The following LSAMP variants were observed in gnomAD, a reference collection of about 807,000 sequenced individuals.
The protein encoded by LSAMP is limbic system associated membrane protein.
LSAMP carries 7 observed loss-of-function variants against 38.6 expected under a neutral mutation model. The observed-to-expected ratio is 0.18, with a 90% CI of 0.10 to 0.34. The LOEUF is 0.34. Among genes scored for constraint, LSAMP ranks in the 10% least tolerant of loss-of-function variants. The pLI, the probability that LSAMP is intolerant of heterozygous loss-of-function variation, is 1.00. For synonymous variants in LSAMP, 154 were observed against 166.8 expected, an observed-to-expected ratio of 0.92 and a Z score of 0.59; for missense variants, 313 against 420.0, an observed-to-expected ratio of 0.75 and a Z score of 2.23.
At chr3:116,076,959 A>C (rs988074575) in intron 2 of LSAMP, among the ~76,000 whole-genome samples, 1 of 152,000 alleles carries the variant, frequency 6.6e-6, no homozygotes, top group Non-Finnish European at 1.5e-5. Flanking sequence ...CTATATATAG[A>C]AACTATTGAT....
intron 3 of LSAMP, among the ~76,000 whole-genome samples, chr3:115,916,158 C>T (rs1431209482): frequency 1.3e-5 from 2 of 152,074 alleles, no homozygotes; most frequent in African/African-American, 4.8e-5. Context: ...AAGAAGGCCA[C>T]AGAGAGTGCT....
At chr3:116,333,855 T>A (rs2047885650) in intron 1 of LSAMP, among the ~76,000 whole-genome samples, 1 of 150,204 alleles carries the variant, frequency 6.7e-6, no homozygotes, top group East Asian at 2.0e-4. Context: ...AAAAGACAAA[T>A]TAAATCCAAA....
At chr3:116,130,987 CTTTT>C (rs148232332) in intron 1 of LSAMP, among the ~76,000 whole-genome samples, 1 of 112,644 alleles carries the variant, frequency 8.9e-6, no homozygotes, top group Non-Finnish European at 1.7e-5. Context: ...AGGTTCCACA[CTTTT>C]TTTTTTTTTT....
At chr3:116,190,088 G>GACACACACACACACACACACACACAC (rs3071108) in intron 1 of LSAMP, among the ~76,000 whole-genome samples, 5 of 142,706 alleles carry the variant, frequency 3.5e-5, no homozygotes, top group Admixed American at 1.4e-4. Context: ...TCCAGTAGTA[G>GACACACACACACACACACACACACAC]ACACACACAC....
chr3:115,896,769 C>T (rs1936738468), intron 3 of LSAMP, among the ~76,000 whole-genome samples: 1 of 152,064 alleles, frequency 6.6e-6, no homozygotes, highest in South Asian at 2.1e-4. Flanking sequence ...ACTATTTTTA[C>T]ATGTGGTCCG....
rs1041314345 is a variant in LSAMP at position 115,809,696 on chromosome 3, G to A, written c.*621C>T. The A allele has an allele frequency of 2.0e-5, 3 of 152,198 alleles. No homozygotes were observed. Among genetic ancestry groups the A allele is most frequent in the Admixed American group, 6.6e-5 (1 of 15,256 alleles). The allele number at this position is 152,198 out of a possible 1,614,324, so 9.4% of individuals were successfully genotyped here. A position where few individuals can be genotyped will look rare whatever the true frequency, so the allele number is the denominator to read the frequency against. ...GAGAGGTGAGGGAGGAAAGGTGGGT[G>A]AAAAGGGAGTATCTAGGGTGGGTGT... On this transcript the variant is annotated 3_prime_UTR_variant, in exon 7 of 7. Transcript: ENST00000490035.
At chr3:115,960,206 T>C (rs773588389) in intron 3 of LSAMP, among the ~76,000 whole-genome samples, 44 of 152,112 alleles carry the variant, frequency 2.9e-4, no homozygotes, top group Non-Finnish European at 6.0e-4. Flanking sequence ...CCTAATCCAA[T>C]ATAACTAGTT....
chr3:116,331,557 A>G (rs1052677810), intron 1 of LSAMP, among the ~76,000 whole-genome samples: 1 of 152,156 alleles, frequency 6.6e-6, no homozygotes, highest in Non-Finnish European at 1.5e-5. Context: ...TCACATCAGA[A>G]ACTTGGATAC....
At chr3:116,374,938 A>C (rs78849380) in intron 1 of LSAMP, among the ~76,000 whole-genome samples, 4,539 of 152,078 alleles carry the variant, frequency 0.03, 93 homozygotes, top group South Asian at 0.083. Flanking sequence ...GGTTCAGTCA[A>C]GACTTAAGAT....
At chr3:116,287,620 C>G (rs747818344) in intron 1 of LSAMP, among the ~76,000 whole-genome samples, 1 of 151,932 alleles carries the variant, frequency 6.6e-6, no homozygotes, top group Non-Finnish European at 1.5e-5. Context: ...GAAGAATAAA[C>G]CTGAAAAAGA....
intron 1 of LSAMP, among the ~76,000 whole-genome samples, chr3:116,126,220 A>G (rs536390659): frequency 7.6e-4 from 116 of 152,334 alleles, no homozygotes; most frequent in African/African-American, 2.8e-3. Context: ...TCTGTTGGCA[A>G]TGTGTAAACT....
At chr3:116,258,954 A>G (rs1180600306) in intron 1 of LSAMP, among the ~76,000 whole-genome samples, 1 of 152,164 alleles carries the variant, frequency 6.6e-6, no homozygotes, top group Admixed American at 6.5e-5. Context: ...CGTTTTAAAG[A>G]GAACCCCTAC....
chr3:116,378,740 G>T (rs1054004495), intron 1 of LSAMP, among the ~76,000 whole-genome samples: 6 of 151,918 alleles, frequency 3.9e-5, no homozygotes, highest in Admixed American at 6.6e-5. Context: ...TTTGAAAACT[G>T]AAGTAAGGTT....
chr3:116,016,579 T>G (rs1940489519), intron 3 of LSAMP, among the ~76,000 whole-genome samples: 1 of 152,002 alleles, frequency 6.6e-6, no homozygotes, highest in Non-Finnish European at 1.5e-5. Context: ...TGAGCAGGAG[T>G]CTATAAACTT....
chr3:116,107,061 C>T (rs1205359625), intron 1 of LSAMP, among the ~76,000 whole-genome samples: 1 of 152,094 alleles, frequency 6.6e-6, no homozygotes, highest in Non-Finnish European at 1.5e-5. Flanking sequence ...CCTGGTGGAA[C>T]TGCCATTGAT....
At chr3:116,302,102 C>CTGAAA (rs2047417887) in intron 1 of LSAMP, among the ~76,000 whole-genome samples, 2 of 152,186 alleles carry the variant, frequency 1.3e-5, no homozygotes, top group South Asian at 4.1e-4. Flanking sequence ...AGAAGCTGTT[C>CTGAAA]TGAAATGAAG....
At chr3:116,184,866 G>C (rs72961564) in intron 1 of LSAMP, among the ~76,000 whole-genome samples, 3,184 of 151,664 alleles carry the variant, frequency 0.021, 110 homozygotes, top group African/African-American at 0.071. Flanking sequence ...TCCAACAACA[G>C]ATTCTTTGAC....
At chr3:116,327,389 T>G (rs997326412) in intron 1 of LSAMP, among the ~76,000 whole-genome samples, 4 of 152,160 alleles carry the variant, frequency 2.6e-5, no homozygotes, top group Admixed American at 1.3e-4. Context: ...TTATTCTCTA[T>G]GTACGGAATA....
At chr3:115,904,365 A>AT (rs1936956743) in intron 3 of LSAMP, among the ~76,000 whole-genome samples, 1 of 152,168 alleles carries the variant, frequency 6.6e-6, no homozygotes, top group African/African-American at 2.4e-5. Context: ...TTACAGTTTT[A>AT]TAGTAACTTA....
Sources: allele counts gnomAD v4.1 joint callset (sites outside exome capture counted in the v4.1 genomes callset), GRCh38; gene constraint gnomAD v4.1.1; transcripts MANE v1.5; gene names NCBI Gene and HGNC (gene_info 2026-07-23, HGNC 2026-07-21).